Variants in CPSF7 observed in about 807,000 individuals in gnomAD.
CPSF7 encodes cleavage and polyadenylation specific factor 7.
A neutral mutation model predicts 44.3 loss-of-function variants in CPSF7; 1 was observed. The observed-to-expected ratio is 0.02, with a 90% CI of 0.01 to 0.11. The LOEUF (loss-of-function observed/expected upper bound fraction) is 0.11. CPSF7 is among the 10% of genes least tolerant of loss of function. CPSF7 has a pLI of 1.00. For missense variants in CPSF7, 443 were observed against 607.2 expected, an observed-to-expected ratio of 0.73 and a Z score of 2.84; for synonymous variants, 202 against 222.0, an observed-to-expected ratio of 0.91 and a Z score of 0.80.
chr11:61,416,032 T>G, intron 6 of CPSF7, 73 bp downstream of exon 6: 1 of 1,329,066 alleles, frequency 7.5e-7, no homozygotes, highest in Non-Finnish European at 1.0e-6. Flanking sequence ...AGTGCTCACT[T>G]TCTCAGGGAG....
intron 4 of CPSF7, 75 bp from the exon 5 acceptor site, chr11:61,420,169 T>G: frequency 7.8e-7 from 1 of 1,278,452 alleles, no homozygotes; most frequent in South Asian, 1.4e-5. Flanking sequence ...CTCTTCCACT[T>G]TTAGTAAAAA....
At chr11:61,420,615 A>C (rs769185977) in intron 3 of CPSF7, 42 bp from the exon 4 acceptor site, 1 of 1,490,516 alleles carries the variant, frequency 6.7e-7, no homozygotes, top group South Asian at 1.1e-5. Flanking sequence ...GTCAAGAGCT[A>C]CACCCCCGCC....
chr11:61,413,185 A>C (rs1433137198), intron 7 of CPSF7, among the ~76,000 whole-genome samples: 2 of 152,062 alleles, frequency 1.3e-5, no homozygotes, highest in Non-Finnish European at 2.9e-5. Context: ...TGGGCCTCCT[A>C]AAGTGCTGGG....
intron 7 of CPSF7, among the ~76,000 whole-genome samples, chr11:61,412,987 T>A (rs1859989809): frequency 1.3e-5 from 2 of 152,198 alleles, no homozygotes; most frequent in African/African-American, 4.8e-5. Context: ...ATGGGTCTTG[T>A]TTTATCATCC....
chr11:61,429,725 A>G, intron 1 of CPSF7, 189 bp downstream of exon 1: 3 of 1,506,972 alleles, frequency 2.0e-6, no homozygotes, highest in Non-Finnish European at 2.7e-6. Context: ...CTTCGCCCCC[A>G]GCTAGGCCCG....
intron 3 of CPSF7, 152 bp downstream of exon 3, chr11:61,421,238 C>T (rs1403730381): frequency 2.9e-6 from 3 of 1,028,490 alleles, no homozygotes; most frequent in Non-Finnish European, 4.4e-6. Context: ...GGATAGTTCT[C>T]TTTCAGAGAT....
chr11:61,413,038 T>C (rs1859992297), intron 7 of CPSF7, among the ~76,000 whole-genome samples: 1 of 152,158 alleles, frequency 6.6e-6, no homozygotes, highest in South Asian at 2.1e-4. Flanking sequence ...CACTGCATCC[T>C]TGAACTCCTG....
intron 8 of CPSF7, among the ~76,000 whole-genome samples, chr11:61,411,403 G>C (rs1178487416): frequency 6.6e-6 from 1 of 151,974 alleles, no homozygotes; most frequent in Admixed American, 6.5e-5. Context: ...CCCTTTTTTA[G>C]AAAATGAGAA....
At chr11:61,415,154 CT>C (rs1860202674) in intron 7 of CPSF7, among the ~76,000 whole-genome samples, 1 of 152,178 alleles carries the variant, frequency 6.6e-6, no homozygotes, top group Admixed American at 6.5e-5. Context: ...AGGAGAATCG[CT>C]TGAAACCAGG....
chr11:61,421,683 G>T (rs375528707), intron 2 of CPSF7, 75 bp from the exon 3 acceptor site: 2 of 1,070,548 alleles, frequency 1.9e-6, no homozygotes, highest in Non-Finnish European at 1.4e-6. Flanking sequence ...TAGTTTATTA[G>T]AATCCAGTTA....
chr11:61,415,591 G>T (rs1860248504), intron 7 of CPSF7, 75 bp downstream of exon 7: 3 of 945,844 alleles, frequency 3.2e-6, no homozygotes, highest in Non-Finnish European at 5.2e-6. Flanking sequence ...TTGAACTTTT[G>T]CCAGTAGAAA....
Position 61,429,924 on chromosome 11 carries a change from G to C in CPSF7, c.-66C>G. On this transcript the variant is annotated 5_prime_UTR_variant, in exon 1 of 10. Transcript: ENST00000439958. ...GCGCGCCCCCGTTACCGGGAATATG[G>C]CGGCGGCGGCGGCGAGTCCGGACTA... is the stretch of plus-strand genomic sequence containing the variant. 1 of 1,414,806 alleles carries C rather than the reference G, an allele frequency of 7.1e-7. No individual in the cohort carries two copies. Among genetic ancestry groups the C allele is most frequent in the South Asian group, 1.3e-5 (1 of 75,780 alleles). 87.6% of individuals were successfully genotyped at this position (1,414,806 alleles called of 1,614,324 possible).
chr11:61,416,091 ACAATAGTC>A lies in CPSF7; in HGVS notation c.938+6_938+13del. On this transcript the variant is annotated splice_donor_region_variant and intron_variant, in intron 6 of 9. Coordinates refer to ENST00000439958, the MANE Select transcript of CPSF7 (RefSeq NM_001142565.3). ...TTACCCTGGCTCAAATCTGAAAGGA[ACAATAGTC>A]CTTACCTGCCATGGTGGTTATAGGG... 1 of 1,496,976 alleles carries A rather than the reference ACAATAGTC, an allele frequency of 6.7e-7. No homozygotes were observed. Among genetic ancestry groups the A allele is most frequent in the East Asian group, 2.3e-5 (1 of 42,878 alleles). 92.7% of individuals were successfully genotyped at this position (1,496,976 alleles called of 1,614,324 possible).
Position 61,429,537 on chromosome 11 carries a change from G to A in CPSF7, c.-55-247C>T, listed in dbSNP as rs991282153. 5 of 563,272 alleles carry A rather than the reference G, an allele frequency of 8.9e-6. No homozygotes were observed. In the South Asian group the frequency reaches 1.0e-4, roughly 11 times the overall value. 34.9% of individuals were successfully genotyped at this position (563,272 alleles called of 1,614,324 possible). A position where few individuals can be genotyped will look rare whatever the true frequency, so the allele number is the denominator to read the frequency against. On this transcript the variant is annotated intron_variant, in intron 1 of 9. Transcript: ENST00000439958. ...CGTCTGCGCCGCAGCTGCCTATGGC[G>A]CGACGGAAAAGTCCCACCCTCGGGT...
intron 3 of CPSF7, chr11:61,420,822 G>C (rs1860794561): frequency 1.8e-6 from 1 of 549,508 alleles, no homozygotes; most frequent in African/African-American, 1.9e-5. Context: ...CTGCCGTTTG[G>C]GCTGGCTGGT....
intron 9 of CPSF7, among the ~76,000 whole-genome samples, chr11:61,405,613 G>A (rs1859242614): frequency 6.6e-6 from 1 of 152,188 alleles, no homozygotes; most frequent in African/African-American, 2.4e-5. Context: ...GTCAGTCTGA[G>A]CATATTAAAC....
chr11:61,413,601 T>TC (rs897722450), intron 7 of CPSF7, among the ~76,000 whole-genome samples: 2 of 147,246 alleles, frequency 1.4e-5, no homozygotes, highest in African/African-American at 5.1e-5. Flanking sequence ...ACTGCACTAC[T>TC]CCAGCTTGGG....
At chr11:61,413,099 A>T (rs1301769239) in intron 7 of CPSF7, among the ~76,000 whole-genome samples, 4 of 151,966 alleles carry the variant, frequency 2.6e-5, no homozygotes, top group Non-Finnish European at 5.9e-5. Context: ...TTTTTCAAAA[A>T]TTTTTTGTAG....
chr11:61,420,666 C>A (rs1860778031), intron 3 of CPSF7, 93 bp from the exon 4 acceptor site: 3 of 931,042 alleles, frequency 3.2e-6, no homozygotes, highest in Non-Finnish European at 5.2e-6. Context: ...ACAACTAAGT[C>A]CCCCCAGAGG....
Sources: gnomAD v4.1 joint callset for allele counts (sites outside exome capture counted in the v4.1 genomes callset) on GRCh38, gnomAD v4.1.1 for gene constraint, MANE v1.5 for transcripts, NCBI Gene and HGNC (gene_info 2026-07-23, HGNC 2026-07-21) for gene names.